HLCS: variants seen among roughly 807,000 people sequenced by gnomAD.
HLCS encodes biotin--protein ligase.
A neutral mutation model predicts 75.0 loss-of-function variants in HLCS; 53 were observed. The observed-to-expected ratio is 0.71, with a 90% confidence interval of 0.57 to 0.89. The LOEUF is 0.89. Ranked by LOEUF, HLCS falls within the 40% of genes least tolerant of loss-of-function variation. The pLI, the probability that HLCS is intolerant of heterozygous loss-of-function variation, is 0.00. For missense variants in HLCS, 966 were observed against 1,074.0 expected (o/e 0.90, Z 1.41); for synonymous variants, 431 against 428.6 (o/e 1.01, Z -0.07).
chr21:36,872,068 C>T (rs922273291), intron 6 of HLCS, among the ~76,000 whole-genome samples: 2 of 152,170 alleles, frequency 1.3e-5, no homozygotes, highest in African/African-American at 4.8e-5. Context: ...CCTATGCATC[C>T]AGCCATTAAT....
chr21:36,889,076 A>G (rs1431066610), intron 6 of HLCS, among the ~76,000 whole-genome samples: 5 of 152,144 alleles, frequency 3.3e-5, no homozygotes, highest in Non-Finnish European at 5.9e-5. Flanking sequence ...CCGCCAGGAC[A>G]CCTCTCCAGT....
chr21:36,843,841 A>G (rs1294148226), intron 6 of HLCS, among the ~76,000 whole-genome samples: 2 of 152,120 alleles, frequency 1.3e-5, no homozygotes, highest in African/African-American at 4.8e-5. Context: ...CCCCGTCACT[A>G]TGAAATATTC....
rs2089290120 is a variant in HLCS, at chr21:36,749,252, C to T, written c.*4994G>A. On this transcript the variant is annotated 3_prime_UTR_variant, in exon 11 of 11. Transcript: ENST00000674895. ...AAAATCCTGTCATGGCTCTGAACTG[C>T]ACAATGCATTGAACCGCCGTCCTTC... 1 of 152,650 alleles carries T rather than the reference C, an allele frequency of 6.6e-6. No individual in the cohort carries two copies. The highest frequency in any genetic ancestry group is 6.5e-5 in the Admixed American group (1 of 15,284). 9.5% of individuals were successfully genotyped at this position (152,650 alleles called of 1,614,324 possible).
rs1180714050 is a variant in HLCS, at chr21:36,947,581, GA to G, written c.331-8588del. The G allele has an allele frequency of 4.1e-6, 4 of 985,310 alleles. No individual in the cohort carries two copies. In the African/African-American group the frequency reaches 5.2e-5, roughly 13 times the overall value. The allele number at this position is 985,310 out of a possible 1,614,324, so 61.0% of individuals were successfully genotyped here. The stretch of plus-strand genomic sequence containing the variant: ...CTCACTCCCAAAGATCAAAGCTAAG[GA>G]AGCCCTGGCTGTCCCTAAACAAAGG... On this transcript the variant is annotated intron_variant, in intron 2 of 10. Coordinates refer to ENST00000674895, the MANE Select transcript of HLCS (RefSeq NM_001352514.2).
At chr21:36,884,053 G>A (rs1225743345) in intron 6 of HLCS, among the ~76,000 whole-genome samples, 1 of 152,204 alleles carries the variant, frequency 6.6e-6, no homozygotes, top group Non-Finnish European at 1.5e-5. Context: ...CCCAGACCCG[G>A]AGAGAGTAGT....
chr21:36,809,568 C>T lies in HLCS; in HGVS notation c.1893-42283G>A, dbSNP rs150724977. On this transcript the variant is annotated intron_variant, in intron 6 of 10. Coordinates refer to ENST00000674895, the MANE Select transcript of HLCS (RefSeq NM_001352514.2). ...TCTCTTTTTCCTCTGTCATTTTCCC[C>T]CTCTCTGCCTTCAGCTGTTAAGTCC... is the stretch of plus-strand genomic sequence containing the variant. Among the ~76,000 whole-genome samples the T allele has an allele frequency of 7.2e-5, 11 of 152,086 alleles. No homozygotes were observed. In the East Asian group the frequency reaches 2.1e-3, roughly 29 times the overall value.
intron 6 of HLCS, among the ~76,000 whole-genome samples, chr21:36,798,204 G>C (rs1252585263): frequency 6.6e-6 from 1 of 152,192 alleles, no homozygotes; most frequent in African/African-American, 2.4e-5. Flanking sequence ...TGTGCACAGT[G>C]TGTGTATGTG....
intron 5 of HLCS, among the ~76,000 whole-genome samples, chr21:36,909,703 C>T (rs571201211): frequency 2.6e-5 from 4 of 152,310 alleles, no homozygotes; most frequent in Non-Finnish European, 5.9e-5. Flanking sequence ...AGCAATCCTC[C>T]CACCTCAGAC....
intron 5 of HLCS, among the ~76,000 whole-genome samples, chr21:36,903,571 C>A (rs1044565147): frequency 5.3e-5 from 8 of 152,118 alleles, no homozygotes; most frequent in African/African-American, 1.9e-4. Context: ...ATATCCCATT[C>A]AAAGTCAATG....
intron 6 of HLCS, among the ~76,000 whole-genome samples, chr21:36,797,789 C>A (rs1157206098): frequency 6.6e-6 from 1 of 152,208 alleles, no homozygotes; most frequent in Non-Finnish European, 1.5e-5. Flanking sequence ...CCTCACCCTG[C>A]CCTGACGCCT....
intron 1 of HLCS, chr21:36,974,614 G>A (rs895149132): frequency 2.6e-5 from 4 of 152,130 alleles, no homozygotes; most frequent in Non-Finnish European, 5.9e-5. Flanking sequence ...GTTATGACTG[G>A]TATCCTTATA....
intron 3 of HLCS, among the ~76,000 whole-genome samples, chr21:36,938,561 G>A (rs1040731524): frequency 3.3e-5 from 5 of 152,140 alleles, no homozygotes; most frequent in African/African-American, 4.8e-5. Flanking sequence ...ATGCAGTGGC[G>A]TGATCATGGC....
intron 5 of HLCS, among the ~76,000 whole-genome samples, chr21:36,912,290 A>T (rs1391997147): frequency 6.6e-6 from 1 of 151,730 alleles, no homozygotes; most frequent in African/African-American, 2.4e-5. Context: ...AGGGGATATT[A>T]TTCAGCCAAA....
At chr21:36,852,967 G>A (rs1370642191) in intron 6 of HLCS, among the ~76,000 whole-genome samples, 2 of 152,222 alleles carry the variant, frequency 1.3e-5, no homozygotes, top group East Asian at 1.9e-4. Flanking sequence ...AGAAGAAGGA[G>A]AAGGAGGGAA....
At chr21:36,947,819 G>GT in intron 2 of HLCS, 1 of 985,528 alleles carries the variant, frequency 1.0e-6, no homozygotes. Context: ...CAGCTCTGCA[G>GT]TGAGTGGGGA....
rs191314479 is a variant in HLCS at position 36,935,351 on chromosome 21, G to A, written c.1437+1098C>T. 7.2e-5 allele frequency among the ~76,000 whole-genome samples: 11 copies of A among 152,254 alleles called. No individual in the cohort carries two copies. In the East Asian group the frequency reaches 1.9e-3, roughly 27 times the overall value. ...CTTAATTTTAAGCATCTCTGCTTGAGTATTATCTTAAGAACAAGTGAGTCG... is the reference window on the plus strand; with the variant it reads ...CTTAATTTTAAGCATCTCTGCTTGAATATTATCTTAAGAACAAGTGAGTCG... On this transcript the variant is annotated intron_variant, in intron 4 of 10. Coordinates refer to ENST00000674895, the MANE Select transcript of HLCS (RefSeq NM_001352514.2).
At chr21:36,771,982 T>C (rs184634143) in intron 6 of HLCS, among the ~76,000 whole-genome samples, 357 of 146,610 alleles carry the variant, frequency 2.4e-3, no homozygotes, top group Middle Eastern at 0.019. Context: ...CTAGGCAACA[T>C]AGAGACTCCA....
chr21:36,787,003 C>A (rs998534996), intron 6 of HLCS, among the ~76,000 whole-genome samples: 1 of 152,180 alleles, frequency 6.6e-6, no homozygotes, highest in African/African-American at 2.4e-5. Flanking sequence ...AAAGATGCGA[C>A]CATGTAGGGA....
intron 6 of HLCS, among the ~76,000 whole-genome samples, chr21:36,878,831 G>C (rs1314049621): frequency 2.6e-5 from 4 of 152,178 alleles, no homozygotes; most frequent in African/African-American, 9.6e-5. Flanking sequence ...CAAAGCATCT[G>C]TCAGAAGTAA....
Sources: allele counts gnomAD v4.1 joint callset (sites outside exome capture counted in the v4.1 genomes callset), GRCh38; gene constraint gnomAD v4.1.1; transcripts MANE v1.5; gene names NCBI Gene and HGNC (gene_info 2026-07-23, HGNC 2026-07-21).